The following CHODL variants were observed in gnomAD, a reference collection of about 807,000 sequenced individuals.
CHODL encodes the protein chondrolectin, also known as transmembrane protein MT75.
Under a neutral mutation model 34.5 loss-of-function variants are expected in CHODL, and 29 were observed. The observed-to-expected ratio is 0.84, with a 90% CI of 0.63 to 1.15. CHODL has a LOEUF of 1.15. Ranked by LOEUF, CHODL falls within the 50% of genes most tolerant of loss-of-function variation. The pLI is 0.00. For missense variants in CHODL, 332 were observed against 332.5 expected (o/e 1.00, Z 0.01); for synonymous variants, 125 against 116.1 (o/e 1.08, Z -0.49).
chr21:18,215,322 G>A (rs940954576), intron 2 of CHODL, among the ~76,000 whole-genome samples: 1 of 152,146 alleles, frequency 6.6e-6, no homozygotes, highest in Non-Finnish European at 1.5e-5. Flanking sequence ...CACCTCAGGA[G>A]ATAGGCAATT....
chr21:18,157,558 CAGCAGATGGCCTA>C (rs763036876), intron 2 of CHODL, among the ~76,000 whole-genome samples: 1 of 152,188 alleles, frequency 6.6e-6, no homozygotes, highest in Non-Finnish European at 1.5e-5. Flanking sequence ...GTCAGCCAAA[CAGCAGATGGCCTA>C]ACCATAATGC....
chr21:17,945,461 C>T (rs1243895750), intron 1 of CHODL, among the ~76,000 whole-genome samples: 1 of 151,658 alleles, frequency 6.6e-6, no homozygotes, highest in African/African-American at 2.4e-5. Context: ...AATGATTAAA[C>T]AGAAATATTC....
At chr21:17,971,555 T>G (rs1261294953) in intron 1 of CHODL, among the ~76,000 whole-genome samples, 1 of 152,242 alleles carries the variant, frequency 6.6e-6, no homozygotes, top group East Asian at 1.9e-4. Context: ...TCTGTTCATA[T>G]CCTTTACCTA....
chr21:18,104,446 C>G (rs972946312), intron 2 of CHODL, among the ~76,000 whole-genome samples: 5 of 152,192 alleles, frequency 3.3e-5, no homozygotes, highest in Non-Finnish European at 7.4e-5. Flanking sequence ...GCCTCCCCAG[C>G]CATGCTGAAG....
intron 2 of CHODL, among the ~76,000 whole-genome samples, chr21:18,035,143 T>G (rs79348029): frequency 0.017 from 2,660 of 152,112 alleles, 168 homozygotes; most frequent in East Asian, 0.16. Flanking sequence ...GTTTACTATT[T>G]TCTGTGTTCT....
chr21:18,116,782 G>A (rs111457571), intron 2 of CHODL, among the ~76,000 whole-genome samples: 1,866 of 152,288 alleles, frequency 0.012, 42 homozygotes, highest in African/African-American at 0.041. Context: ...CTGCTAGGGA[G>A]TTGAAGCCTT....
intron 2 of CHODL, among the ~76,000 whole-genome samples, chr21:18,220,392 A>G (rs899959027): frequency 3.3e-4 from 50 of 151,964 alleles, no homozygotes; most frequent in African/African-American, 1.2e-3. Flanking sequence ...TGTTTTATAT[A>G]TTTTTGTTTG....
chr21:18,150,601 C>T (rs112595999), intron 2 of CHODL, among the ~76,000 whole-genome samples: 7,127 of 152,176 alleles, frequency 0.047, 256 homozygotes, highest in Non-Finnish European at 0.072. Context: ...CTCTGATGTC[C>T]CTTGTATAAG....
intron 1 of CHODL, among the ~76,000 whole-genome samples, chr21:17,973,510 G>A (rs1423938915): frequency 1.4e-5 from 2 of 146,862 alleles, no homozygotes; most frequent in Non-Finnish European, 3.0e-5. Flanking sequence ...TCTGCCTTCC[G>A]AGTTCACGCC....
chr21:18,011,286 C>G (rs1364200517), intron 1 of CHODL, among the ~76,000 whole-genome samples: 1 of 119,262 alleles, frequency 8.4e-6, no homozygotes, highest in African/African-American at 5.0e-5. Flanking sequence ...TTCAGTTGCC[C>G]CCATTTTTTT....
At chr21:18,193,500 C>T (rs1429190043) in intron 2 of CHODL, among the ~76,000 whole-genome samples, 1 of 151,668 alleles carries the variant, frequency 6.6e-6, no homozygotes, top group Non-Finnish European at 1.5e-5. Flanking sequence ...TTGAGACCAT[C>T]CTGCCCAACA....
intron 2 of CHODL, among the ~76,000 whole-genome samples, chr21:18,179,668 C>G (rs1201371141): frequency 6.6e-6 from 1 of 152,138 alleles, no homozygotes; most frequent in Non-Finnish European, 1.5e-5. Flanking sequence ...TTTTCCTCCA[C>G]TCTCCTTTTC....
intron 1 of CHODL, 84 bp downstream of exon 1, chr21:18,245,386 C>T: frequency 8.3e-7 from 1 of 1,205,276 alleles, no homozygotes; most frequent in East Asian, 2.9e-5. Flanking sequence ...CGGGCGGAGG[C>T]TCTCCGGGGC....
At chr21:18,095,239 CA>C (rs1453382791) in intron 2 of CHODL, among the ~76,000 whole-genome samples, 6 of 151,456 alleles carry the variant, frequency 4.0e-5, no homozygotes, top group Non-Finnish European at 8.8e-5. Flanking sequence ...GAAAGTTAAA[CA>C]AAATTGACAA....
At chr21:18,244,030 A>G (rs945798276), upstream of CHODL, among the ~76,000 whole-genome samples, 2 of 152,228 alleles carry the variant, frequency 1.3e-5, no homozygotes, top group African/African-American at 4.8e-5. Flanking sequence ...TCTCTCCAGT[A>G]TTCCTGGAAA....
At chr21:18,239,988 CT>C (rs989651845), upstream of CHODL, among the ~76,000 whole-genome samples, 9 of 151,666 alleles carry the variant, frequency 5.9e-5, no homozygotes, top group Non-Finnish European at 1.0e-4. Flanking sequence ...AGATGTTAAG[CT>C]TTTTTTTCTT....
intron 2 of CHODL, among the ~76,000 whole-genome samples, chr21:18,101,056 A>G (rs2065207054): frequency 6.6e-6 from 1 of 152,138 alleles, no homozygotes; most frequent in African/African-American, 2.4e-5. Context: ...TTGTAGCTCA[A>G]TGATTCCCAC....
chr21:18,021,245 G>C (rs2064125208), intron 1 of CHODL, among the ~76,000 whole-genome samples: 1 of 152,150 alleles, frequency 6.6e-6, no homozygotes, highest in Non-Finnish European at 1.5e-5. Flanking sequence ...CAGTAAATGA[G>C]ACCAAGAAGC....
intron 2 of CHODL, among the ~76,000 whole-genome samples, chr21:18,039,092 C>A (rs539897111): frequency 1.8e-4 from 28 of 151,648 alleles, no homozygotes; most frequent in African/African-American, 6.5e-4. Flanking sequence ...GGGATGGAAG[C>A]TATTTAGTTT....
Sources: gnomAD v4.1 joint callset for allele counts (sites outside exome capture counted in the v4.1 genomes callset) on GRCh38, gnomAD v4.1.1 for gene constraint, MANE v1.5 for transcripts, NCBI Gene and HGNC (gene_info 2026-07-23, HGNC 2026-07-21) for gene names.